CD27: variants seen among roughly 807,000 people sequenced by gnomAD.
CD27 encodes CD27 antigen.
In CD27, 16 loss-of-function variants were observed where a neutral mutation model predicts 25.9. That is an observed-to-expected ratio of 0.62 (90% CI 0.42 to 0.94). The LOEUF (loss-of-function observed/expected upper bound fraction) is 0.94, where lower values mean the gene tolerates loss of function less well. Ranked by LOEUF, CD27 falls within the 40% of genes least tolerant of loss-of-function variation. CD27 has a pLI of 0.00. For missense variants in CD27, 300 were observed against 333.2 expected, an observed-to-expected ratio of 0.90 and a Z score of 0.78; for synonymous variants, 142 against 124.3, an observed-to-expected ratio of 1.14 and a Z score of -0.95.
intron 5 of CD27, 70 bp downstream of exon 5, chr12:6,451,084 A>G: frequency 6.2e-7 from 1 of 1,603,462 alleles, no homozygotes; most frequent in Non-Finnish European, 8.5e-7. Context: ...CCCACTGCCC[A>G]CGCCTGGAAT....
In CD27 at chr12:6,450,211, G is replaced by A; in HGVS notation, c.307G>A (p.Glu103Lys). The part of the protein sequence containing the change: ...VRNCTITANA[E>K]CACRNGWQCR... The stretch of plus-strand genomic sequence containing the variant: ...CAACTGCACCATCACTGCCAATGCT[G>A]AGTGTGCCTGTCGCAATGGCTGGCA... The change falls in exon 3 of 6, where the codon GAG (glutamate) becomes AAG (lysine). Residue 103 changes from glutamate to lysine, a missense_variant. Coordinates refer to ENST00000266557, the MANE Select transcript of CD27 (RefSeq NM_001242.5). The surrounding 1 kb of genome is among the most constrained non-coding windows in gnomAD (Gnocchi z 4.1). 6.2e-7 allele frequency: 1 copy of A among 1,613,574 alleles called. No homozygotes were observed.
At chr12:6,444,236 G>A (rs1228996955), upstream of CD27, among the ~76,000 whole-genome samples, 1 of 152,140 alleles carries the variant, frequency 6.6e-6, no homozygotes, top group Non-Finnish European at 1.5e-5. Flanking sequence ...AGGATTAAAG[G>A]AGAGCATAGG....
chr12:6,450,781 G>T lies in CD27; in HGVS notation c.539-114G>T. Reference sequence around the variant, plus strand: ...GGAGAGGAGTTGGCCAACGGTGGCGGGTGGGATAGAATAAGGTGGGGGAAA... The same window carrying T: ...GGAGAGGAGTTGGCCAACGGTGGCGTGTGGGATAGAATAAGGTGGGGGAAA... On this transcript the variant is annotated intron_variant, in intron 4 of 5. Coordinates refer to ENST00000266557, the MANE Select transcript of CD27 (RefSeq NM_001242.5). This position sits in a 1 kb window ranked among gnomAD's most constrained non-coding sequence, Gnocchi z 4.1. The T allele has an allele frequency of 1.3e-6, 2 of 1,498,570 alleles. No individual in the cohort carries two copies. The highest frequency in any genetic ancestry group is 1.8e-6 in the Non-Finnish European group (2 of 1,089,238). 92.8% of individuals were successfully genotyped at this position (1,498,570 alleles called of 1,614,324 possible). A position where few individuals can be genotyped will look rare whatever the true frequency, so the allele number is the denominator to read the frequency against.
At position 6,451,343 on chromosome 12, in the gene CD27, T is replaced by A. The variant is rs2136971508; in HGVS notation, c.734T>A (p.Ile245Asn). The change falls in exon 6 of 6, where the codon ATC becomes AAC. Residue 245 changes from isoleucine to asparagine, a missense_variant. Physicochemically the swap from Ile to Asn is moderately radical, Grantham distance 149. Transcript: ENST00000266557. ...SCPREEEGST[I>N]PIQEDYRKPE... ...CCCAGGGAGGAGGAGGGCAGCACCA[T>A]CCCCATCCAGGAGGATTACCGAAAA... 1 of 1,613,754 alleles carries A rather than the reference T, an allele frequency of 6.2e-7. No individual in the cohort carries two copies. Among genetic ancestry groups the A allele is most frequent in the Non-Finnish European group, 8.5e-7 (1 of 1,179,906 alleles).
rs772039830 is a variant in CD27 at position 6,451,414 on chromosome 12, A to G, written c.*22A>G. On this transcript the variant is annotated 3_prime_UTR_variant, in exon 6 of 6. Transcript: ENST00000266557. ...CTGAGCCAGCACCTGCGGGAGCTGC[A>G]CTACAGCCCTGGCCTCCACCCCCAC... is the stretch of plus-strand genomic sequence containing the variant. 1.1e-5 allele frequency: 17 copies of G among 1,608,042 alleles called. No homozygotes were observed. The African/African-American group carries it at 2.1e-4, about 20-fold the overall frequency.
Position 6,449,381 on chromosome 12 carries a change from T to G in CD27, c.269-792T>G, listed in dbSNP as rs138193082. 5.8e-3 allele frequency among the ~76,000 whole-genome samples: 873 copies of G among 150,040 alleles called. 11 individuals carry two copies. The highest frequency in any genetic ancestry group is 0.021 in the African/African-American group (839 of 40,570). Reference sequence around the variant, plus strand: ...CAGGCTGGAGTGCAGTGGCGTGATCTCGGCTCACTGCAACTTCCACCTCCC... The same window carrying G: ...CAGGCTGGAGTGCAGTGGCGTGATCGCGGCTCACTGCAACTTCCACCTCCC... On this transcript the variant is annotated intron_variant, in intron 2 of 5. Coordinates refer to ENST00000266557, the MANE Select transcript of CD27 (RefSeq NM_001242.5).
rs765702056 is a variant in CD27, at chr12:6,450,401, C to A, written c.448+49C>A. 1.1e-5 allele frequency: 17 copies of A among 1,570,588 alleles called. No homozygotes were observed. Among genetic ancestry groups the A allele is most frequent in the Admixed American group, 3.4e-5 (2 of 59,324 alleles). On this transcript the variant is annotated intron_variant, in intron 3 of 5. Transcript: ENST00000266557. This position sits in a 1 kb window ranked among gnomAD's most constrained non-coding sequence, Gnocchi z 4.1. ...GCCATCACGTGGGGTAGCGGTGATA[C>A]CCCAACCAGTACTCCCCACTCCTAC...
chr12:6,445,122 G>T lies in CD27; in HGVS notation c.27G>T (p.Leu9=), dbSNP rs1163442283. 1 of 1,606,620 alleles carries T rather than the reference G, an allele frequency of 6.2e-7. No homozygotes were observed. The highest frequency in any genetic ancestry group is 1.1e-5 in the South Asian group (1 of 89,998). MARPHPWW[L]CVLGTLVGLS... is the part of the protein sequence containing the mutation. The stretch of plus-strand genomic sequence containing the variant: ...TGGCACGGCCACATCCCTGGTGGCT[G>T]TGCGTTCTGGGGACCCTGGTGGGGC... The change falls in exon 1 of 6, where the codon CTG becomes CTT. Residue 9 remains leucine, a synonymous_variant. Coordinates refer to ENST00000266557, the MANE Select transcript of CD27 (RefSeq NM_001242.5). This position sits in a 1 kb window ranked among gnomAD's most constrained non-coding sequence, Gnocchi z 4.5.
chr12:6,450,413 C>T lies in CD27; in HGVS notation c.448+61C>T. The T allele has an allele frequency of 6.5e-7, 1 of 1,541,428 alleles. No homozygotes were observed. The highest frequency in any genetic ancestry group is 8.9e-7 in the Non-Finnish European group (1 of 1,125,884). ...GGTAGCGGTGATACCCCAACCAGTA[C>T]TCCCCACTCCTACCCCTAGATAAGG... is the stretch of plus-strand genomic sequence containing the variant. On this transcript the variant is annotated intron_variant, in intron 3 of 5. Transcript: ENST00000266557. This position sits in a 1 kb window ranked among gnomAD's most constrained non-coding sequence, Gnocchi z 4.1.
intron 2 of CD27, among the ~76,000 whole-genome samples, chr12:6,449,424 T>A (rs1949478819): frequency 6.7e-6 from 1 of 149,940 alleles, no homozygotes; most frequent in Admixed American, 6.7e-5. Flanking sequence ...AGCAATTCCC[T>A]GCCTCACCCG....
At chr12:6,446,776 T>TCACACACA (rs35670100) in intron 2 of CD27, among the ~76,000 whole-genome samples, 82 of 148,510 alleles carry the variant, frequency 5.5e-4, no homozygotes, top group Middle Eastern at 3.5e-3. Context: ...AAACCCTTTT[T>TCACACACA]CACACACACA....
At chr12:6,449,623 T>C (rs572929674) in intron 2 of CD27, among the ~76,000 whole-genome samples, 1 of 151,980 alleles carries the variant, frequency 6.6e-6, no homozygotes, top group Admixed American at 6.6e-5. Context: ...CTGAGGCTGG[T>C]GCATCACCTG....
chr12:6,450,682 C>A lies in CD27; in HGVS notation c.538+52C>A. ...CTAGAGAGAATGCATACACGAGGGG[C>A]CAGGAGGGAAGCCAGACAGAAAGCT... On this transcript the variant is annotated intron_variant, in intron 4 of 5. Coordinates refer to ENST00000266557, the MANE Select transcript of CD27 (RefSeq NM_001242.5). This position sits in a 1 kb window ranked among gnomAD's most constrained non-coding sequence, Gnocchi z 4.1. The A allele has an allele frequency of 6.5e-7, 1 of 1,535,626 alleles. No individual in the cohort carries two copies. The highest frequency in any genetic ancestry group is 9.0e-7 in the Non-Finnish European group (1 of 1,116,636).
At position 6,450,459 on chromosome 12, in the gene CD27, C is replaced by T. The variant is rs898370779; in HGVS notation, c.449-82C>T. 1.7e-5 allele frequency: 26 copies of T among 1,536,740 alleles called. No homozygotes were observed. The highest frequency in any genetic ancestry group is 2.2e-5 in the Non-Finnish European group (25 of 1,118,784). Reference sequence around the variant, plus strand: ...TAAGGTCAGCCTGTTTCTGCCTTCCCATCCCATCCAGCACCTCTCAGGCCT... The same window carrying T: ...TAAGGTCAGCCTGTTTCTGCCTTCCTATCCCATCCAGCACCTCTCAGGCCT... On this transcript the variant is annotated intron_variant, in intron 3 of 5. Transcript: ENST00000266557. The surrounding 1 kb of genome is among the most constrained non-coding windows in gnomAD (Gnocchi z 4.1).
chr12:6,448,149 T>C (rs1241013932), intron 2 of CD27: 1 of 152,262 alleles, frequency 6.6e-6, no homozygotes, highest in Non-Finnish European at 1.5e-5. Context: ...CCTCTCCTTG[T>C]CCTGACAAAA....
upstream of CD27, among the ~76,000 whole-genome samples, chr12:6,444,652 CGGGGGGGTGGGTGGG>C (rs1949385515): frequency 4.6e-5 from 2 of 43,234 alleles, no homozygotes; most frequent in Non-Finnish European, 8.7e-5. Flanking sequence ...AAACTGTGGA[CGGGGGGGTGGGTGGG>C]GGGGGGTAAC....
chr12:6,446,277 G>T (rs990342811), intron 2 of CD27, among the ~76,000 whole-genome samples: 4 of 152,174 alleles, frequency 2.6e-5, no homozygotes, highest in Non-Finnish European at 5.9e-5. Context: ...CGTGTTTGGT[G>T]TCACTGGGTC....
At position 6,445,907 on chromosome 12, in the gene CD27, T is replaced by C. The variant is rs1288379619; in HGVS notation, c.268+352T>C. 6.6e-6 allele frequency among the ~76,000 whole-genome samples: 1 copy of C among 152,156 alleles called. No individual in the cohort carries two copies. The highest frequency in any genetic ancestry group is 2.4e-5 in the African/African-American group (1 of 41,432). ...ACTGACTGTGTTCCCAGAGTGCACATGTGCAGGTTGGCCATTGGGAATTTG... is the reference window on the plus strand; with the variant it reads ...ACTGACTGTGTTCCCAGAGTGCACACGTGCAGGTTGGCCATTGGGAATTTG... On this transcript the variant is annotated intron_variant, in intron 2 of 5. Transcript: ENST00000266557. The surrounding 1 kb of genome is among the most constrained non-coding windows in gnomAD (Gnocchi z 4.5).
rs1367259567 is a variant in CD27 at position 6,450,924 on chromosome 12, A to AG, written c.568_569insG (p.Ile190SerfsTer29). ...AAGATCCCTGTGCAGCTCCGATTTTATTCGCATCCTTGTGATCTTCTCTGG... is the reference window on the plus strand; with the variant it reads ...AAGATCCCTGTGCAGCTCCGATTTTAGTTCGCATCCTTGTGATCTTCTCTGG... On this transcript the variant is annotated frameshift_variant, in exon 5 of 6. Transcript: ENST00000266557. LOFTEE classifies it high-confidence loss of function. The surrounding 1 kb of genome is among the most constrained non-coding windows in gnomAD (Gnocchi z 4.1). 1.2e-6 allele frequency: 2 copies of AG among 1,614,100 alleles called. No homozygotes were observed. Among genetic ancestry groups the AG allele is most frequent in the Non-Finnish European group, 1.7e-6 (2 of 1,180,000 alleles).
Sources: gnomAD v4.1 joint callset for allele counts (sites outside exome capture counted in the v4.1 genomes callset) on GRCh38, gnomAD v4.1.1 for gene constraint, Gnocchi (gnomAD v3.1) non-coding constraint, MANE v1.5 for transcripts, NCBI Gene and HGNC (gene_info 2026-07-23, HGNC 2026-07-21) for gene names.